The following ATXN1 variants were observed in gnomAD, a reference collection of about 807,000 sequenced individuals.
The protein encoded by ATXN1 is ataxin-1.
A neutral mutation model predicts 56.4 loss-of-function variants in ATXN1; 8 were observed. That is an observed-to-expected ratio of 0.14 (90% confidence interval 0.08 to 0.26). ATXN1 has a LOEUF of 0.26. ATXN1 is among the 10% of genes least tolerant of loss of function. The pLI is 1.00. For synonymous variants in ATXN1, 514 were observed against 494.6 expected, an observed-to-expected ratio of 1.04 and a Z score of -0.52; for missense variants, 987 against 1,106.5, an observed-to-expected ratio of 0.89 and a Z score of 1.53.
At chr6:16,579,493 A>ACC (rs917717347) in intron 4 of ATXN1, among the ~76,000 whole-genome samples, 2 of 10,808 alleles carry the variant, frequency 1.9e-4, no homozygotes, top group East Asian at 6.0e-3. Flanking sequence ...CCCCCCCCCC[A>ACC]CCCGCCGATT....
At chr6:16,662,969 ATT>A (rs57242101) in intron 2 of ATXN1, among the ~76,000 whole-genome samples, 35,932 of 129,410 alleles carry the variant, frequency 0.28, 4,508 homozygotes, top group Admixed American at 0.36. Flanking sequence ...TTCTGTTTGG[ATT>A]TTTTTTTTTT....
intron 6 of ATXN1, among the ~76,000 whole-genome samples, chr6:16,483,853 C>T (rs946552340): frequency 3.3e-5 from 5 of 152,124 alleles, no homozygotes; most frequent in Non-Finnish European, 5.9e-5. Context: ...TTAAATAGAG[C>T]CTGAAACCTA....
chr6:16,308,321 G>A (rs911049768), intron 7 of ATXN1, among the ~76,000 whole-genome samples: 3 of 84,336 alleles, frequency 3.6e-5, no homozygotes, highest in East Asian at 9.5e-4. Context: ...GTGAAACTCC[G>A]TCACACACAC....
intron 2 of ATXN1, among the ~76,000 whole-genome samples, chr6:16,674,179 C>A (rs1035503636): frequency 3.9e-5 from 6 of 152,038 alleles, no homozygotes; most frequent in Admixed American, 2.0e-4. Context: ...TTTAAAATGG[C>A]CCCACTATAC....
chr6:16,335,377 C>A (rs1380119867), intron 6 of ATXN1, among the ~76,000 whole-genome samples: 1 of 152,218 alleles, frequency 6.6e-6, no homozygotes, highest in East Asian at 1.9e-4. Context: ...GTAGAAGATG[C>A]TGTCTGAGAG....
intron 6 of ATXN1, among the ~76,000 whole-genome samples, chr6:16,465,847 G>A (rs9350007): frequency 3.3e-5 from 5 of 152,090 alleles, no homozygotes; most frequent in Non-Finnish European, 5.9e-5. Context: ...TGCTAAGTCC[G>A]GGCCACATAA....
At chr6:16,321,644 A>G (rs1257480321) in intron 7 of ATXN1, among the ~76,000 whole-genome samples, 1 of 152,252 alleles carries the variant, frequency 6.6e-6, no homozygotes, top group Non-Finnish European at 1.5e-5. Flanking sequence ...CTGGAGCGTC[A>G]GCTGGGACAA....
At position 16,359,808 on chromosome 6, in the gene ATXN1, T is replaced by C. The variant is rs539886538; in HGVS notation, c.-160-31338A>G. On this transcript the variant is annotated intron_variant, in intron 6 of 7. Transcript: ENST00000436367. ...CCACAGAAGTTTCCCATCAGAAAAA[T>C]TGACACCCCAGAGATCCTATAACAG... Among the ~76,000 whole-genome samples the C allele has an allele frequency of 2.2e-3, 332 of 152,038 alleles. 1 individual carries two copies. Among genetic ancestry groups the C allele is most frequent in the Non-Finnish European group, 4.1e-3 (277 of 67,952 alleles).
intron 6 of ATXN1, among the ~76,000 whole-genome samples, chr6:16,329,383 T>A (rs1364439954): frequency 6.6e-6 from 1 of 151,950 alleles, no homozygotes; most frequent in Non-Finnish European, 1.5e-5. Flanking sequence ...GGACCTACGA[T>A]TTCCTCTCCC....
At chr6:16,479,995 T>A (rs1461130346) in intron 6 of ATXN1, among the ~76,000 whole-genome samples, 1 of 151,802 alleles carries the variant, frequency 6.6e-6, no homozygotes, top group Non-Finnish European at 1.5e-5. Flanking sequence ...CTACAAAAAA[T>A]ACAAAAATTA....
intron 2 of ATXN1, among the ~76,000 whole-genome samples, chr6:16,730,155 C>T (rs571713091): frequency 3.9e-5 from 6 of 152,168 alleles, no homozygotes; most frequent in African/African-American, 1.2e-4. Flanking sequence ...TGGTGGTGCA[C>T]GCCTGTACAG....
intron 2 of ATXN1, among the ~76,000 whole-genome samples, chr6:16,722,060 C>T (rs951614596): frequency 5.9e-5 from 9 of 152,194 alleles, no homozygotes; most frequent in African/African-American, 1.9e-4. Flanking sequence ...CTGACCACTG[C>T]AAAGATTCGT....
intron 3 of ATXN1, among the ~76,000 whole-genome samples, chr6:16,606,521 G>A (rs1763007794): frequency 1.5e-5 from 1 of 68,600 alleles, no homozygotes; most frequent in South Asian, 8.2e-4. Flanking sequence ...TTTGTTTGTG[G>A]GTTTTTTTTT....
intron 7 of ATXN1, among the ~76,000 whole-genome samples, chr6:16,325,967 G>A (rs1264414010): frequency 6.6e-6 from 1 of 152,138 alleles, no homozygotes; most frequent in Non-Finnish European, 1.5e-5. Context: ...ATGTTGCAAT[G>A]GGATATGATT....
intron 4 of ATXN1, among the ~76,000 whole-genome samples, chr6:16,537,550 C>T (rs975317235): frequency 3.3e-5 from 5 of 151,594 alleles, no homozygotes; most frequent in African/African-American, 9.7e-5. Flanking sequence ...ACTAAAAAGA[C>T]GCAAAATTAG....
At chr6:16,638,291 C>T (rs997445379) in intron 3 of ATXN1, among the ~76,000 whole-genome samples, 1 of 150,632 alleles carries the variant, frequency 6.6e-6, no homozygotes, top group Non-Finnish European at 1.5e-5. Flanking sequence ...CAAAAAAATA[C>T]AAAAATTAGC....
chr6:16,658,142 G>T (rs927177375), intron 2 of ATXN1, among the ~76,000 whole-genome samples: 1 of 152,156 alleles, frequency 6.6e-6, no homozygotes, highest in Non-Finnish European at 1.5e-5. Context: ...GACACTGGGG[G>T]AGGTAGCAGG....
intron 4 of ATXN1, among the ~76,000 whole-genome samples, chr6:16,553,782 G>GA (rs1398785059): frequency 6.6e-6 from 1 of 152,116 alleles, no homozygotes; most frequent in East Asian, 1.9e-4. Context: ...TCCCTACTAG[G>GA]AATGTGTCAC....
intron 5 of ATXN1, among the ~76,000 whole-genome samples, chr6:16,520,055 C>T (rs545009138): frequency 6.6e-6 from 1 of 152,336 alleles, no homozygotes; most frequent in East Asian, 1.9e-4. Flanking sequence ...TGCTATGGAA[C>T]CAATGCATGT....
Sources: allele counts gnomAD v4.1 joint callset (sites outside exome capture counted in the v4.1 genomes callset), GRCh38; gene constraint gnomAD v4.1.1; transcripts MANE v1.5; gene names NCBI Gene and HGNC (gene_info 2026-07-23, HGNC 2026-07-21).